Variants in WDR41 observed in about 807,000 individuals in gnomAD.
WDR41 encodes the protein WD repeat-containing protein 41.
Under a neutral mutation model 69.3 loss-of-function variants are expected in WDR41, and 63 were observed. That is an observed-to-expected ratio of 0.91 (90% CI 0.74 to 1.12). The LOEUF (loss-of-function observed/expected upper bound fraction) is 1.12, where lower values mean the gene tolerates loss of function less well. Among genes scored for constraint, WDR41 ranks in the 50% most tolerant of loss-of-function variants. The probability of loss-of-function intolerance (pLI) is 0.00; values close to 1 mark genes in which losing one functional copy is unlikely to be tolerated. For missense variants in WDR41, 543 were observed against 534.5 expected (o/e 1.02, Z -0.16); for synonymous variants, 185 against 192.1 (o/e 0.96, Z 0.31).
chr5:77,610,818 A>G (rs1267310102), intron 1 of WDR41, among the ~76,000 whole-genome samples: 2 of 151,836 alleles, frequency 1.3e-5, no homozygotes, highest in Admixed American at 6.6e-5. Context: ...TTAACTTTAA[A>G]TGTAAATGGA....
At chr5:77,528,205 A>C (rs1444177019) in intron 1 of WDR41, among the ~76,000 whole-genome samples, 1 of 151,746 alleles carries the variant, frequency 6.6e-6, no homozygotes, top group Non-Finnish European at 1.5e-5. Flanking sequence ...AGAGATTTAC[A>C]ACACATATAT....
intron 1 of WDR41, among the ~76,000 whole-genome samples, chr5:77,510,841 G>A (rs1802186923): frequency 2.1e-5 from 3 of 141,826 alleles, no homozygotes; most frequent in South Asian, 4.5e-4. Context: ...GCGTGATCTC[G>A]GCTCACTGCA....
intron 1 of WDR41, among the ~76,000 whole-genome samples, chr5:77,576,759 G>A (rs1334861751): frequency 2.0e-5 from 3 of 152,152 alleles, no homozygotes; most frequent in African/African-American, 7.2e-5. Flanking sequence ...TGGCAAATCT[G>A]CACCAACTAT....
chr5:77,597,453 C>T (rs950765607), intron 1 of WDR41, among the ~76,000 whole-genome samples: 1 of 151,968 alleles, frequency 6.6e-6, no homozygotes, highest in Non-Finnish European at 1.5e-5. Flanking sequence ...TGAGTTTGGC[C>T]CTCAGTAAGT....
In WDR41 at chr5:77,615,716, G is replaced by A. The variant is rs1326967969; in HGVS notation, c.42+4763C>T. Among the ~76,000 whole-genome samples the A allele has an allele frequency of 2.7e-5, 4 of 147,050 alleles. No individual in the cohort carries two copies. In the South Asian group the frequency reaches 8.7e-4, roughly 32 times the overall value. ...AAAAAAAAAAAAAAAAAGGCCAGGT[G>A]TGATGGCTCACGCCTCCTGTAATCC... is the stretch of plus-strand genomic sequence containing the variant. On this transcript the variant is annotated intron_variant, in intron 1 of 5. Coordinates refer to the WDR41 transcript ENST00000509971.
intron 8 of WDR41, among the ~76,000 whole-genome samples, chr5:77,445,368 A>G (rs1406359127): frequency 6.6e-6 from 1 of 152,236 alleles, no homozygotes; most frequent in African/African-American, 2.4e-5. Context: ...AGCTGGTACC[A>G]TTCCTTGTGA....
intron 8 of WDR41, 109 bp downstream of exon 8, chr5:77,449,651 A>G: frequency 1.4e-6 from 1 of 721,726 alleles, no homozygotes; most frequent in Non-Finnish European, 2.3e-6. Flanking sequence ...CAATCCCATT[A>G]TTTTAGTGAC....
At chr5:77,516,588 G>A (rs1355756146) in intron 1 of WDR41, among the ~76,000 whole-genome samples, 1 of 95,868 alleles carries the variant, frequency 1.0e-5, no homozygotes, top group Non-Finnish European at 1.9e-5. Context: ...TGGTGCAAGG[G>A]ACTTTGGTTT....
At chr5:77,618,370 GTTTT>G (rs35564512) in intron 1 of WDR41, among the ~76,000 whole-genome samples, 1 of 147,556 alleles carries the variant, frequency 6.8e-6, no homozygotes, top group Non-Finnish European at 1.5e-5. Flanking sequence ...GACTAAACAA[GTTTT>G]TTTTTTTTCT....
In WDR41 at chr5:77,560,089, G is replaced by T. The variant is rs114748916; in HGVS notation, c.42+60390C>A. On this transcript the variant is annotated intron_variant, in intron 1 of 5. Coordinates refer to the WDR41 transcript ENST00000509971. ...CTAAAATTTTAAGATTGATTGAAAG[G>T]CTTGCTCAAATTGCTTTAACTGTGA... 5.7e-3 allele frequency among the ~76,000 whole-genome samples: 871 copies of T among 152,234 alleles called. 11 individuals carry two copies. The highest frequency in any genetic ancestry group is 0.02 in the African/African-American group (838 of 41,554).
intron 1 of WDR41, among the ~76,000 whole-genome samples, chr5:77,552,928 A>G (rs969513717): frequency 6.6e-6 from 1 of 152,254 alleles, no homozygotes; most frequent in Admixed American, 6.5e-5. Context: ...AAACAAACCT[A>G]TAAGACTTTC....
intron 2 of WDR41, among the ~76,000 whole-genome samples, chr5:77,468,484 C>T (rs1800404472): frequency 6.6e-6 from 1 of 152,152 alleles, no homozygotes; most frequent in Admixed American, 6.5e-5. Flanking sequence ...CTGAAAACTA[C>T]AGCAAAGCTT....
At chr5:77,609,482 C>T (rs1288344633) in intron 1 of WDR41, among the ~76,000 whole-genome samples, 1 of 152,220 alleles carries the variant, frequency 6.6e-6, no homozygotes, top group African/African-American at 2.4e-5. Context: ...GACTGGACAG[C>T]AGCATTCACA....
rs1205036886 is a variant in WDR41 at position 77,433,216 on chromosome 5, A to AT, written c.1298dup (p.Asn433LysfsTer22). 3 of 1,613,850 alleles carry AT rather than the reference A, an allele frequency of 1.9e-6. No individual in the cohort carries two copies. Among genetic ancestry groups the AT allele is most frequent in the Non-Finnish European group, 2.5e-6 (3 of 1,179,940 alleles). ...TGCGCAATCCAGATTCTCGCTCTCC[A>AT]TTTTTCCACAAAATAATGAGATGAT... On this transcript the variant is annotated frameshift_variant, in exon 13 of 13. Coordinates refer to ENST00000296679, the MANE Select transcript of WDR41 (RefSeq NM_018268.4). LOFTEE classifies it high-confidence loss of function.
At chr5:77,435,664 T>G (rs1018500146) in intron 12 of WDR41, among the ~76,000 whole-genome samples, 22 of 152,366 alleles carry the variant, frequency 1.4e-4, no homozygotes, top group Admixed American at 3.3e-4. Flanking sequence ...GCTAATCTGT[T>G]ACCTCAACTG....
chr5:77,563,705 G>A (rs1388143717), intron 1 of WDR41, among the ~76,000 whole-genome samples: 1 of 152,114 alleles, frequency 6.6e-6, no homozygotes, highest in Non-Finnish European at 1.5e-5. Flanking sequence ...GCAGACACTG[G>A]AGAAACATGG....
At chr5:77,453,725 T>C in intron 6 of WDR41, 92 bp downstream of exon 6, 2 of 996,168 alleles carry the variant, frequency 2.0e-6, no homozygotes, top group Non-Finnish European at 1.6e-6. Flanking sequence ...ATCCCCTATA[T>C]TGACCTTTCT....
intron 5 of WDR41, among the ~76,000 whole-genome samples, chr5:77,456,302 C>T (rs909672103): frequency 6.6e-5 from 10 of 152,162 alleles, no homozygotes; most frequent in African/African-American, 2.4e-5. Context: ...AGCCACCCCG[C>T]CCAGACTAAA....
intron 4 of WDR41, among the ~76,000 whole-genome samples, chr5:77,460,627 C>T (rs115069668): frequency 6.6e-6 from 1 of 152,110 alleles, no homozygotes; most frequent in African/African-American, 2.4e-5. Context: ...GGAATATGTG[C>T]ATATACCTAA....
Sources: allele counts gnomAD v4.1 joint callset (sites outside exome capture counted in the v4.1 genomes callset), GRCh38; gene constraint gnomAD v4.1.1; transcripts MANE v1.5; gene names NCBI Gene and HGNC (gene_info 2026-07-23, HGNC 2026-07-21).